ANXA2R: variants seen among roughly 807,000 people sequenced by gnomAD.
The protein encoded by ANXA2R is annexin A2 receptor.
For synonymous variants in ANXA2R, 93 were observed against 93.6 expected (o/e 0.99, Z 0.04); for missense variants, 244 against 241.5 (o/e 1.01, Z -0.07).
rs1347312090 is a variant in ANXA2R at position 43,039,799 on chromosome 5, G to T, written c.248C>A (p.Pro83Gln). 6.2e-7 allele frequency: 1 copy of T among 1,614,204 alleles called. No homozygotes were observed. The highest frequency in any genetic ancestry group is 8.5e-7 in the Non-Finnish European group (1 of 1,180,038). ...LSPGVQSTLE[P>Q]STAKPTEFSW... ...GAACTCAGTGGGCTTCGCTGTACTTGGTTCCAAGGTGCTCTGGACTCCAGG... is the reference window on the plus strand; with the variant it reads ...GAACTCAGTGGGCTTCGCTGTACTTTGTTCCAAGGTGCTCTGGACTCCAGG... The change falls in exon 1 of 1, where the codon CCA becomes CAA. Residue 83 changes from proline (P) to glutamine (Q), a missense_variant. Pro to Gln is a moderately conservative substitution (Grantham distance 76). Transcript: ENST00000616064.
upstream of ANXA2R, chr5:43,042,953 C>T (rs1362210261): frequency 5.3e-5 from 8 of 152,296 alleles, no homozygotes; most frequent in African/African-American, 1.9e-4. This position sits in a 1 kb window ranked among gnomAD's most constrained non-coding sequence, Gnocchi z 5.6. Flanking sequence ...CCACGACAGA[C>T]AGTCGCCTTT....
At position 43,039,546 on chromosome 5, in the gene ANXA2R, C is replaced by T; in HGVS notation, c.501G>A (p.Glu167=). 2 of 1,613,454 alleles carry T rather than the reference C, an allele frequency of 1.2e-6. No homozygotes were observed. Among genetic ancestry groups the T allele is most frequent in the Non-Finnish European group, 1.7e-6 (2 of 1,179,604 alleles). Reference sequence around the variant, plus strand: ...CGGCAAAACCAACGCGAAGAATCCACTCCAGGCAGTCTGAGAAACCCGGGA... The same window carrying T: ...CGGCAAAACCAACGCGAAGAATCCATTCCAGGCAGTCTGAGAAACCCGGGA... The part of the protein sequence containing the change: ...RHLPGFSDCL[E]WILRVGFAAF... The change falls in exon 1 of 1, where the codon GAG becomes GAA. Residue 167 remains glutamate (E), a synonymous_variant. Coordinates refer to ENST00000616064, the MANE Select transcript of ANXA2R (RefSeq NM_001014279.3).
chr5:43,039,897 G>A lies in ANXA2R; in HGVS notation c.150C>T (p.Asp50=), dbSNP rs1338534051. 1.2e-6 allele frequency: 2 copies of A among 1,614,224 alleles called. No individual in the cohort carries two copies. The highest frequency in any genetic ancestry group is 1.1e-5 in the South Asian group (1 of 91,090). ...TGGAAAGCAGTCCCAAATCACAGCT[G>A]TCCAGTGAGTACTCTCCTAGTACTG... ...LYPVLGEYSL[D]SCDLGLLSSP... The change falls in exon 1 of 1, where the codon GAC becomes GAT. Residue 50 remains aspartate, a synonymous_variant. Transcript: ENST00000616064.
At position 43,040,091 on chromosome 5, in the gene ANXA2R, G is replaced by A. The variant is rs768276803; in HGVS notation, c.-45C>T. On this transcript the variant is annotated 5_prime_UTR_variant, in exon 1 of 1. Transcript: ENST00000616064. Reference sequence around the variant, plus strand: ...CGTTTGCGCTGATCAAGGAGGGAGAGTCTCTGCACTACCATCAGCCTGAGT... The same window carrying A: ...CGTTTGCGCTGATCAAGGAGGGAGAATCTCTGCACTACCATCAGCCTGAGT... 6.5e-7 allele frequency: 1 copy of A among 1,531,644 alleles called. No individual in the cohort carries two copies. Among genetic ancestry groups the A allele is most frequent in the Admixed American group, 2.0e-5 (1 of 50,988 alleles). The allele number at this position is 1,531,644 out of a possible 1,614,324, so 94.9% of individuals were successfully genotyped here.
rs1248113408 is a variant in ANXA2R, at chr5:43,039,543, C to A, written c.504G>T (p.Trp168Cys). Residue 168 changes from tryptophan to cysteine, a missense_variant, in exon 1 of 1, where the codon TGG becomes TGT. Physicochemically the swap from Trp to Cys is radical, Grantham distance 215. Transcript: ENST00000616064. ...HLPGFSDCLE[W>C]ILRVGFAAFS... Reference sequence around the variant, plus strand: ...ACGCGGCAAAACCAACGCGAAGAATCCACTCCAGGCAGTCTGAGAAACCCG... The same window carrying A: ...ACGCGGCAAAACCAACGCGAAGAATACACTCCAGGCAGTCTGAGAAACCCG... 3.7e-6 allele frequency: 6 copies of A among 1,612,736 alleles called. No homozygotes were observed. The African/African-American group carries it at 8.0e-5, about 22-fold the overall frequency.
chr5:43,041,342 TC>T (rs1200456616), upstream of ANXA2R: 7 of 152,122 alleles, frequency 4.6e-5, no homozygotes, highest in South Asian at 4.1e-4. Flanking sequence ...GTTGCTCCTG[TC>T]ATAATTTCCT....
chr5:43,041,716 G>C (rs1012989718), upstream of ANXA2R: 6 of 151,736 alleles, frequency 4.0e-5, no homozygotes, highest in Admixed American at 3.9e-4. Flanking sequence ...CGCAGCTAAA[G>C]CAAGTCTTAC....
At chr5:43,042,562 G>C (rs1310148351), upstream of ANXA2R, 1 of 152,708 alleles carries the variant, frequency 6.5e-6, no homozygotes, top group East Asian at 1.9e-4. The surrounding 1 kb of genome is among the most constrained non-coding windows in gnomAD (Gnocchi z 5.6). Flanking sequence ...CGGAAACGCC[G>C]GGTGCTGCGA....
chr5:43,039,736 A>G lies in ANXA2R; in HGVS notation c.311T>C (p.Val104Ala). Reference protein sequence around the residue: ...PGTQKQQEAPVEEVGQAEEPD... With the variant: ...PGTQKQQEAPAEEVGQAEEPD... ...TTCCTCTGCCTGCCCCACCTCTTCT[A>G]CGGGTGCCTCTTGCTGCTTCTGTGT... The change falls in exon 1 of 1, where the codon GTA (valine) becomes GCA (alanine). Residue 104 changes from valine to alanine, a missense_variant. By Grantham distance (64) the Val-to-Ala change is moderately conservative. Coordinates refer to ENST00000616064, the MANE Select transcript of ANXA2R (RefSeq NM_001014279.3). 1.2e-6 allele frequency: 2 copies of G among 1,614,162 alleles called. No homozygotes were observed. Among genetic ancestry groups the G allele is most frequent in the Middle Eastern group, 1.6e-4 (1 of 6,062 alleles).
Position 43,039,507 on chromosome 5 carries a change from G to A in ANXA2R, c.540C>T (p.Leu180=). The A allele has an allele frequency of 6.2e-7, 1 of 1,603,328 alleles. No homozygotes were observed. Among genetic ancestry groups the A allele is most frequent in the Non-Finnish European group, 8.5e-7 (1 of 1,174,204 alleles). Residue 180 remains leucine (L), a synonymous_variant, in exon 1 of 1, where the codon CTC becomes CTT. Transcript: ENST00000616064. ...CACAGATCCGTGAACAGCACGCCCA[G>A]AGTACAGAGAACGCGGCAAAACCAA... The part of the protein sequence containing the change: ...LRVGFAAFSV[L]WACCSRICGA...
chr5:43,043,236 G>A (rs1444357877), upstream of ANXA2R: 2 of 152,212 alleles, frequency 1.3e-5, no homozygotes, highest in South Asian at 2.1e-4. Context: ...TGTCTGTGCA[G>A]TTGCAAAAGA....
In ANXA2R at chr5:43,040,192, T is replaced by C. The variant is rs1167828064; in HGVS notation, c.-146A>G. The C allele has an allele frequency of 1.5e-6, 1 of 647,270 alleles. No homozygotes were observed. Among genetic ancestry groups the C allele is most frequent in the East Asian group, 2.8e-5 (1 of 35,476 alleles). 40.1% of individuals were successfully genotyped at this position (647,270 alleles called of 1,614,324 possible). On this transcript the variant is annotated 5_prime_UTR_variant, in exon 1 of 1. An upstream open reading frame in the 5' UTR loses its in-frame stop. Coordinates refer to ENST00000616064, the MANE Select transcript of ANXA2R (RefSeq NM_001014279.3). ...CTCAGTAGTAACAAATGCACGAAAA[T>C]TAGTAGACAAATGAAAAACGATAAC...
At chr5:43,041,348 T>C (rs998784695), upstream of ANXA2R, 1 of 152,164 alleles carries the variant, frequency 6.6e-6, no homozygotes, top group Non-Finnish European at 1.5e-5. Flanking sequence ...CCTGTCATAA[T>C]TTCCTACGAG....
At chr5:43,042,922 G>A (rs1011726742), upstream of ANXA2R, 2 of 152,264 alleles carry the variant, frequency 1.3e-5, no homozygotes, top group South Asian at 2.1e-4. This position sits in a 1 kb window ranked among gnomAD's most constrained non-coding sequence, Gnocchi z 5.6. Flanking sequence ...AAAAACTGTC[G>A]TCCCATAGCA....
chr5:43,040,783 C>A (rs1482139005), upstream of ANXA2R: 1 of 152,160 alleles, frequency 6.6e-6, no homozygotes, highest in African/African-American at 2.4e-5. Flanking sequence ...GTGCGAACAG[C>A]GGCTCGGTGC....
chr5:43,040,314 G>C lies in ANXA2R; in HGVS notation c.-268C>G. ...AATGAAATGACACTAAGCAAATCTT[G>C]AAGAGAACTAGCGCTACAGAACGCA... On this transcript the variant is annotated 5_prime_UTR_variant, in exon 1 of 1. Transcript: ENST00000616064. 1 of 398,564 alleles carries C rather than the reference G, an allele frequency of 2.5e-6. No individual in the cohort carries two copies. Among genetic ancestry groups the C allele is most frequent in the South Asian group, 4.3e-5 (1 of 23,030 alleles). The allele number at this position is 398,564 out of a possible 1,614,324, so 24.7% of individuals were successfully genotyped here. A position where few individuals can be genotyped will look rare whatever the true frequency, so the allele number is the denominator to read the frequency against.
Position 43,040,048 on chromosome 5 carries a change from C to T in ANXA2R, c.-2G>A. On this transcript the variant is annotated 5_prime_UTR_variant, in exon 1 of 1. Transcript: ENST00000616064. The stretch of plus-strand genomic sequence containing the variant: ...ACAGCCAAGAAAATGTTGCTCCATC[C>T]CTCAAGCCTCAGACCAACGTTTGCG... 1 of 1,595,446 alleles carries T rather than the reference C, an allele frequency of 6.3e-7. No homozygotes were observed. Among genetic ancestry groups the T allele is most frequent in the Non-Finnish European group, 8.5e-7 (1 of 1,171,490 alleles).
chr5:43,041,573 G>A (rs1027098316), upstream of ANXA2R: 4 of 151,330 alleles, frequency 2.6e-5, no homozygotes, highest in Non-Finnish European at 5.9e-5. Flanking sequence ...AGCTAAGACA[G>A]GACTCGATAT....
Position 43,039,567 on chromosome 5 carries a change from C to G in ANXA2R, c.480G>C (p.Pro160=), listed in dbSNP as rs763484607. Residue 160 remains proline, a synonymous_variant, in exon 1 of 1, where the codon CCG becomes CCC. Transcript: ENST00000616064. ...PPALQPWRHL[P]GFSDCLEWIL... ...TCCACTCCAGGCAGTCTGAGAAACC[C>G]GGGAGGTGGCGCCACGGCTGGAGGG... The G allele has an allele frequency of 6.2e-7, 1 of 1,613,872 alleles. No homozygotes were observed. The highest frequency in any genetic ancestry group is 1.3e-5 in the African/African-American group (1 of 75,008).
Sources: allele counts gnomAD v4.1 joint callset, GRCh38; gene constraint gnomAD v4.1.1; non-coding constraint Gnocchi (gnomAD v3.1); transcripts MANE v1.5; gene names NCBI Gene and HGNC (gene_info 2026-07-23, HGNC 2026-07-21).